The following ATXN10 variants were observed in gnomAD, a reference collection of about 807,000 sequenced individuals.
ATXN10 encodes the protein ataxin 10, also known as ataxin-10.
A neutral mutation model predicts 52.9 loss-of-function variants in ATXN10; 28 were observed. The ratio of observed to expected loss-of-function variants is 0.53; its 90% CI spans 0.39 to 0.73. The LOEUF (loss-of-function observed/expected upper bound fraction) is 0.73. ATXN10 is among the 30% of genes least tolerant of loss of function. The pLI, the probability that ATXN10 is intolerant of heterozygous loss-of-function variation, is 0.00. For synonymous variants in ATXN10, 226 were observed against 221.5 expected (o/e 1.02, Z -0.18); for missense variants, 565 against 577.0 (o/e 0.98, Z 0.21).
chr22:45,782,996 A>G (rs1187953085), intron 9 of ATXN10, among the ~76,000 whole-genome samples: 2 of 152,248 alleles, frequency 1.3e-5, no homozygotes. Context: ...TTACAATTTC[A>G]CAGACAGAAG....
At chr22:45,674,179 AATTAGGAC>A (rs1922590283) in intron 1 of ATXN10, 1 of 152,226 alleles carries the variant, frequency 6.6e-6, no homozygotes, top group Non-Finnish European at 1.5e-5. Context: ...AAAGTGCCTA[AATTAGGAC>A]ATTGTGGGGA....
intron 9 of ATXN10, among the ~76,000 whole-genome samples, chr22:45,765,931 T>A (rs1926566042): frequency 6.6e-6 from 1 of 152,096 alleles, no homozygotes. Context: ...GGAAATTCCC[T>A]GAAAAAGAAA....
At chr22:45,815,354 G>C (rs1185864710) in intron 10 of ATXN10, among the ~76,000 whole-genome samples, 3 of 152,186 alleles carry the variant, frequency 2.0e-5, no homozygotes, top group African/African-American at 7.2e-5. Context: ...TGGCAGGGGA[G>C]GAGGATGCTG....
chr22:45,840,406 G>A lies in ATXN10; in HGVS notation c.1238-2585G>A, dbSNP rs1400121508. On this transcript the variant is annotated intron_variant, in intron 10 of 11. Transcript: ENST00000252934. The surrounding 1 kb of genome is among the most constrained non-coding windows in gnomAD (Gnocchi z 5.8). ...TAAGCAGGTGCCGAGGGGTAGCTAAGACAGGGAAGGCTTCCGGGAGACTGT... is the reference window on the plus strand; with the variant it reads ...TAAGCAGGTGCCGAGGGGTAGCTAAAACAGGGAAGGCTTCCGGGAGACTGT... 3.3e-5 allele frequency among the ~76,000 whole-genome samples: 5 copies of A among 152,184 alleles called. No homozygotes were observed.
In ATXN10 at chr22:45,786,209, T is replaced by C. The variant is rs1927317090; in HGVS notation, c.1174-20750T>C. 6.6e-6 allele frequency among the ~76,000 whole-genome samples: 1 copy of C among 152,248 alleles called. No individual in the cohort carries two copies. The highest frequency in any genetic ancestry group is 6.5e-5 in the Admixed American group (1 of 15,286). ...TATTTGTATTAATCACATTGTGTTT[T>C]GTACTTCCGGGTACTTTAAGAGCCT... On this transcript the variant is annotated intron_variant, in intron 9 of 11. Coordinates refer to ENST00000252934, the MANE Select transcript of ATXN10 (RefSeq NM_013236.4). The surrounding 1 kb of genome is among the most constrained non-coding windows in gnomAD (Gnocchi z 4.1).
chr22:45,736,857 C>G (rs895048650), intron 7 of ATXN10, among the ~76,000 whole-genome samples: 2 of 152,102 alleles, frequency 1.3e-5, no homozygotes, highest in African/African-American at 2.4e-5. Context: ...TCACCTAGAT[C>G]CATGAATTCT....
rs1440903267 is a variant in ATXN10 at position 45,754,088 on chromosome 22, G to A, written c.1173+13550G>A. Among the ~76,000 whole-genome samples, 1 of 151,888 alleles carries A rather than the reference G, an allele frequency of 6.6e-6. No homozygotes were observed. Among genetic ancestry groups the A allele is most frequent in the African/African-American group, 2.4e-5 (1 of 41,412 alleles). ...TGATGCTCACACTGCCCAGTGGCAGGACGCAACCTGGGTTCCTGAGCCTTA... is the reference window on the plus strand; with the variant it reads ...TGATGCTCACACTGCCCAGTGGCAGAACGCAACCTGGGTTCCTGAGCCTTA... On this transcript the variant is annotated intron_variant, in intron 9 of 11. Transcript: ENST00000252934. The surrounding 1 kb of genome is among the most constrained non-coding windows in gnomAD (Gnocchi z 5.4).
chr22:45,771,413 C>CT (rs908863420), intron 9 of ATXN10, among the ~76,000 whole-genome samples: 6,361 of 123,222 alleles, frequency 0.052, 568 homozygotes, highest in African/African-American at 0.17. Context: ...ATGCTTGAGT[C>CT]TTTTTTTTTT....
intron 3 of ATXN10, among the ~76,000 whole-genome samples, chr22:45,699,704 C>T (rs1923765392): frequency 6.6e-6 from 1 of 151,824 alleles, no homozygotes; most frequent in Non-Finnish European, 1.5e-5. Flanking sequence ...GTTGGCCAGG[C>T]TGGTCTCGAA....
At chr22:45,792,214 A>ATT (rs1192814209) in intron 9 of ATXN10, among the ~76,000 whole-genome samples, 1 of 152,216 alleles carries the variant, frequency 6.6e-6, no homozygotes, top group Non-Finnish European at 1.5e-5. Flanking sequence ...ATTCAATGAT[A>ATT]TAAATTAGAT....
chr22:45,745,460 A>C lies in ATXN10; in HGVS notation c.1173+4922A>C, dbSNP rs182307779. On this transcript the variant is annotated intron_variant, in intron 9 of 11. Coordinates refer to ENST00000252934, the MANE Select transcript of ATXN10 (RefSeq NM_013236.4). ...TCCTCCTTCCTCCTCCCTGATTTAA[A>C]ATATTCCCAGCAGTCACATACTTGA... Among the ~76,000 whole-genome samples, 59 of 152,298 alleles carry C rather than the reference A, an allele frequency of 3.9e-4. 1 individual carries two copies. The highest frequency in any genetic ancestry group is 3.4e-3 in the Middle Eastern group (1 of 294).
In ATXN10 at chr22:45,775,667, G is replaced by T. The variant is rs117614263; in HGVS notation, c.1174-31292G>T. Among the ~76,000 whole-genome samples the T allele has an allele frequency of 6.6e-6, 1 of 152,180 alleles. No homozygotes were observed. The highest frequency in any genetic ancestry group is 1.5e-5 in the Non-Finnish European group (1 of 68,034). On this transcript the variant is annotated intron_variant, in intron 9 of 11. Transcript: ENST00000252934. The surrounding 1 kb of genome is among the most constrained non-coding windows in gnomAD (Gnocchi z 4.7). ...TCGTGTGACTATTTATAATAAAAAT[G>T]TGACTTGCAGTATTGTTATTGAGAG...
Position 45,770,154 on chromosome 22 carries a change from T to C in ATXN10, c.1173+29616T>C, listed in dbSNP as rs1011008190. Among the ~76,000 whole-genome samples, 11 of 152,192 alleles carry C rather than the reference T, an allele frequency of 7.2e-5. No homozygotes were observed. Among genetic ancestry groups the C allele is most frequent in the African/African-American group, 2.7e-4 (11 of 41,446 alleles). On this transcript the variant is annotated intron_variant, in intron 9 of 11. Transcript: ENST00000252934. The surrounding 1 kb of genome is among the most constrained non-coding windows in gnomAD (Gnocchi z 4.5). Reference sequence around the variant, plus strand: ...AGAGGTGTTACTCCTGTCTTACACATGAGGACATGAGGAACCAAAGTCAAA... The same window carrying C: ...AGAGGTGTTACTCCTGTCTTACACACGAGGACATGAGGAACCAAAGTCAAA...
Position 45,770,623 on chromosome 22 carries a change from C to G in ATXN10, c.1173+30085C>G, listed in dbSNP as rs1228663848. On this transcript the variant is annotated intron_variant, in intron 9 of 11. Coordinates refer to ENST00000252934, the MANE Select transcript of ATXN10 (RefSeq NM_013236.4). This position sits in a 1 kb window ranked among gnomAD's most constrained non-coding sequence, Gnocchi z 4.5. ...CCAGACCTGAGGGCTTCACAGAGAG[C>G]CACGTCCACATATGCGAGAGCCACT... Among the ~76,000 whole-genome samples the G allele has an allele frequency of 3.3e-5, 5 of 152,218 alleles. No homozygotes were observed. Among genetic ancestry groups the G allele is most frequent in the Non-Finnish European group, 5.9e-5 (4 of 68,046 alleles).
intron 5 of ATXN10, among the ~76,000 whole-genome samples, chr22:45,717,562 G>A (rs1211418414): frequency 6.6e-6 from 1 of 152,178 alleles, no homozygotes; most frequent in Non-Finnish European, 1.5e-5. Context: ...TTTAAATGCT[G>A]TAGAGGAAAT....
At chr22:45,830,675 T>C (rs1185060186) in intron 10 of ATXN10, among the ~76,000 whole-genome samples, 2 of 149,320 alleles carry the variant, frequency 1.3e-5, no homozygotes, top group Non-Finnish European at 3.0e-5. Flanking sequence ...TCCATGAGGA[T>C]AGCCACTATA....
chr22:45,747,232 T>C (rs1042001800), intron 9 of ATXN10, among the ~76,000 whole-genome samples: 1 of 152,178 alleles, frequency 6.6e-6, no homozygotes, highest in Non-Finnish European at 1.5e-5. Context: ...CCGGGTGCAG[T>C]GGCTCAAGCT....
chr22:45,694,980 A>C (rs1195798619), intron 3 of ATXN10, among the ~76,000 whole-genome samples: 6 of 150,794 alleles, frequency 4.0e-5, no homozygotes, highest in Non-Finnish European at 8.8e-5. Context: ...AACCCCAGAA[A>C]ATTTTAATGT....
chr22:45,782,461 G>C (rs933428592), intron 9 of ATXN10, among the ~76,000 whole-genome samples: 1 of 152,182 alleles, frequency 6.6e-6, no homozygotes, highest in African/African-American at 2.4e-5. Flanking sequence ...TCATTCAGCG[G>C]AATATTACAT....
Sources: gnomAD v4.1 joint callset for allele counts (sites outside exome capture counted in the v4.1 genomes callset) on GRCh38, gnomAD v4.1.1 for gene constraint, Gnocchi (gnomAD v3.1) non-coding constraint, MANE v1.5 for transcripts, NCBI Gene and HGNC (gene_info 2026-07-23, HGNC 2026-07-21) for gene names.